The following PCDHA11 variants were observed in gnomAD, a reference collection of about 807,000 sequenced individuals.
PCDHA11 encodes the protein protocadherin alpha-11.
A neutral mutation model predicts 70.3 loss-of-function variants in PCDHA11; 61 were observed. That is an observed-to-expected ratio of 0.87 (90% CI 0.71 to 1.07). The LOEUF is 1.07. Ranked by LOEUF, PCDHA11 falls within the 50% of genes least tolerant of loss-of-function variation. PCDHA11 has a pLI of 0.00. For synonymous variants in PCDHA11, 633 were observed against 555.1 expected (o/e 1.14, Z -1.97); for missense variants, 1,324 against 1,237.5 (o/e 1.07, Z -1.05).
chr5:140,877,015 G>A, intron 1 of PCDHA11: 1 of 1,612,474 alleles, frequency 6.2e-7, no homozygotes, highest in Non-Finnish European at 8.5e-7. Context: ...CGCGGAGAGC[G>A]GCAAGGTGTA....
At chr5:140,949,167 T>C (rs2094348737) in intron 1 of PCDHA11, among the ~76,000 whole-genome samples, 1 of 151,798 alleles carries the variant, frequency 6.6e-6, no homozygotes, top group Admixed American at 6.6e-5. Flanking sequence ...AATTCTCTTT[T>C]GGTCAGAGAA....
intron 1 of PCDHA11, among the ~76,000 whole-genome samples, chr5:140,912,874 G>T (rs2076102653): frequency 6.6e-6 from 1 of 152,026 alleles, no homozygotes; most frequent in Non-Finnish European, 1.5e-5. Context: ...TATGGTTTTT[G>T]GTCTTCATTC....
chr5:140,885,561 T>G (rs1378492280), intron 1 of PCDHA11, among the ~76,000 whole-genome samples: 2 of 152,192 alleles, frequency 1.3e-5, no homozygotes, highest in African/African-American at 4.8e-5. Context: ...TCTACGAAAT[T>G]GATTGTCAGA....
intron 1 of PCDHA11, among the ~76,000 whole-genome samples, chr5:140,886,681 C>T (rs1184298079): frequency 1.3e-5 from 2 of 151,832 alleles, no homozygotes; most frequent in Admixed American, 6.6e-5. Context: ...CAAAAATTAG[C>T]GAGGCATGGT....
intron 1 of PCDHA11, among the ~76,000 whole-genome samples, chr5:140,949,557 T>C (rs955949496): frequency 6.6e-6 from 1 of 151,888 alleles, no homozygotes; most frequent in Non-Finnish European, 1.5e-5. Flanking sequence ...CTGGTCATAC[T>C]TTTTTTCTTG....
intron 1 of PCDHA11, among the ~76,000 whole-genome samples, chr5:140,947,744 TG>T (rs1227312993): frequency 6.6e-6 from 1 of 151,630 alleles, no homozygotes; most frequent in Non-Finnish European, 1.5e-5. Flanking sequence ...CCTATTCTTA[TG>T]TATTTTATGG....
chr5:140,882,596 G>C, intron 1 of PCDHA11: 1 of 1,614,248 alleles, frequency 6.2e-7, no homozygotes, highest in Non-Finnish European at 8.5e-7. Context: ...GGAGGTGATC[G>C]TGGACAGGCC....
chr5:140,931,838 C>G (rs572437091), intron 1 of PCDHA11, among the ~76,000 whole-genome samples: 4 of 151,894 alleles, frequency 2.6e-5, no homozygotes, highest in African/African-American at 9.6e-5. Context: ...ATCCTGAATG[C>G]CTTAATAACA....
chr5:140,916,979 G>A (rs1280720524), intron 1 of PCDHA11, among the ~76,000 whole-genome samples: 1 of 152,144 alleles, frequency 6.6e-6, no homozygotes, highest in African/African-American at 2.4e-5. Flanking sequence ...TGAGTGATTC[G>A]CCTCTGGCCA....
At chr5:140,916,825 C>T (rs2077750975) in intron 1 of PCDHA11, among the ~76,000 whole-genome samples, 1 of 152,144 alleles carries the variant, frequency 6.6e-6, no homozygotes, top group Non-Finnish European at 1.5e-5. Context: ...CCACCCCTAT[C>T]CCTCTGGTTC....
chr5:141,010,368 C>T lies in PCDHA11; in HGVS notation c.*431C>T, dbSNP rs368481822. ...GGTATGTGTGGCTACCGCGGGTATG[C>T]GAGTGCCAGATATTGGCTGAGACGA... On this transcript the variant is annotated 3_prime_UTR_variant, in exon 4 of 4. Coordinates refer to ENST00000398640, the MANE Select transcript of PCDHA11 (RefSeq NM_018902.5). The T allele has an allele frequency of 8.2e-6, 12 of 1,470,936 alleles. No homozygotes were observed. The East Asian group carries it at 1.7e-4, about 21-fold the overall frequency. 91.1% of individuals were successfully genotyped at this position (1,470,936 alleles called of 1,614,324 possible). A position where few individuals can be genotyped will look rare whatever the true frequency, so the allele number is the denominator to read the frequency against.
At chr5:140,987,824 G>A (rs1032765154) in intron 3 of PCDHA11, among the ~76,000 whole-genome samples, 1 of 151,972 alleles carries the variant, frequency 6.6e-6, no homozygotes, top group Non-Finnish European at 1.5e-5. Flanking sequence ...TGTTTCCTTA[G>A]GGGATTGCTT....
At chr5:140,876,039 T>C in intron 1 of PCDHA11, 1 of 1,613,746 alleles carries the variant, frequency 6.2e-7, no homozygotes, top group Non-Finnish European at 8.5e-7. Context: ...AAGATAAAAG[T>C]ATATTGCCTG....
intron 1 of PCDHA11, among the ~76,000 whole-genome samples, chr5:140,965,292 C>T (rs1305794672): frequency 6.6e-6 from 1 of 152,152 alleles, no homozygotes; most frequent in Non-Finnish European, 1.5e-5. Flanking sequence ...GAAAGATTTC[C>T]TCTGATCCTT....
chr5:140,875,571 C>T lies in PCDHA11; in HGVS notation c.2391+4077C>T, dbSNP rs782529259. The T allele has an allele frequency of 7.4e-6, 12 of 1,613,992 alleles. No individual in the cohort carries two copies. The Admixed American group carries it at 1.8e-4, about 25-fold the overall frequency. ...AGGTGGGGAGCGGCCAGCTCCACTACTCCGTCTACGAGGAGGCCAAACACG... is the reference window on the plus strand; with the variant it reads ...AGGTGGGGAGCGGCCAGCTCCACTATTCCGTCTACGAGGAGGCCAAACACG... On this transcript the variant is annotated intron_variant, in intron 1 of 3. Transcript: ENST00000398640.
At chr5:140,929,481 A>G (rs1192778322) in intron 1 of PCDHA11, 4 of 1,195,836 alleles carry the variant, frequency 3.3e-6, no homozygotes, top group Non-Finnish European at 4.5e-6. Flanking sequence ...GGAAGTATAG[A>G]AGTATTAGAA....
At chr5:140,883,324 C>A (rs782213205) in intron 1 of PCDHA11, 1 of 1,614,166 alleles carries the variant, frequency 6.2e-7, no homozygotes, top group Non-Finnish European at 8.5e-7. Context: ...AGGTTACCAT[C>A]ACTTCTTTGT....
chr5:140,920,116 C>A (rs376109883), intron 1 of PCDHA11, among the ~76,000 whole-genome samples: 72 of 152,304 alleles, frequency 4.7e-4, no homozygotes, highest in African/African-American at 1.6e-3. Context: ...ACCTTGCCAA[C>A]ATCTTGAGTT....
intron 1 of PCDHA11, among the ~76,000 whole-genome samples, chr5:140,890,446 T>C (rs1554184296): frequency 6.6e-6 from 1 of 152,228 alleles, no homozygotes; most frequent in Admixed American, 6.5e-5. Context: ...CCTAGTGATA[T>C]CTTTAGGCAC....
Sources: gnomAD v4.1 joint callset for allele counts (sites outside exome capture counted in the v4.1 genomes callset) on GRCh38, gnomAD v4.1.1 for gene constraint, MANE v1.5 for transcripts, NCBI Gene and HGNC (gene_info 2026-07-23, HGNC 2026-07-21) for gene names.